EPB41L3: variants seen among roughly 807,000 people sequenced by gnomAD.
EPB41L3 encodes the protein erythrocyte membrane protein band 4.1 like 3, also known as band 4.1-like protein 3.
In EPB41L3, 57 loss-of-function variants were observed where a neutral mutation model predicts 127.1. The ratio of observed to expected loss-of-function variants is 0.45; its 90% CI spans 0.36 to 0.56. The LOEUF (loss-of-function observed/expected upper bound fraction) is 0.56, where lower values mean the gene tolerates loss of function less well. EPB41L3 is among the 20% of genes least tolerant of loss of function. The probability of loss-of-function intolerance (pLI) is 0.00; values close to 1 mark genes in which losing one functional copy is unlikely to be tolerated. For synonymous variants in EPB41L3, 572 were observed against 549.5 expected, an observed-to-expected ratio of 1.04 and a Z score of -0.57; for missense variants, 1,273 against 1,372.2, an observed-to-expected ratio of 0.93 and a Z score of 1.14.
At chr18:5,450,317 C>CAA (rs2082122418) in intron 3 of EPB41L3, among the ~76,000 whole-genome samples, 1 of 152,062 alleles carries the variant, frequency 6.6e-6, no homozygotes, top group African/African-American at 2.4e-5. Flanking sequence ...GCACAAAGAA[C>CAA]AAACTGTAAT....
chr18:5,441,141 C>T (rs1192581286), intron 5 of EPB41L3, among the ~76,000 whole-genome samples: 1 of 152,196 alleles, frequency 6.6e-6, no homozygotes. Flanking sequence ...GTCCTCCTGT[C>T]TTGGCCTCCC....
chr18:5,547,512 C>A (rs924537604), upstream of EPB41L3, among the ~76,000 whole-genome samples: 1 of 152,102 alleles, frequency 6.6e-6, no homozygotes, highest in Non-Finnish European at 1.5e-5. Context: ...CTTAGGATGC[C>A]CATTCTGATC....
At chr18:5,493,573 T>A (rs1311508778) in intron 1 of EPB41L3, among the ~76,000 whole-genome samples, 1 of 144,484 alleles carries the variant, frequency 6.9e-6, no homozygotes, top group Non-Finnish European at 1.5e-5. Context: ...TCTATTTGCA[T>A]GAAAAAAAAA....
intron 3 of EPB41L3, among the ~76,000 whole-genome samples, chr18:5,465,098 T>C (rs924694074): frequency 7.9e-5 from 12 of 152,210 alleles, no homozygotes; most frequent in African/African-American, 2.7e-4. Flanking sequence ...GAACCTTAGC[T>C]ACATCTTCTG....
rs113039052 is a variant in EPB41L3, at chr18:5,499,780, A to AC, written c.-11-10587_-11-10586insG. ...AGACTCTGTCTCAAAATAAAAAAAA[A>AC]ACTTTGTTTTAAAGACTATATTCCC... On this transcript the variant is annotated intron_variant, in intron 1 of 22. Coordinates refer to ENST00000341928, the MANE Select transcript of EPB41L3 (RefSeq NM_012307.5). Among the ~76,000 whole-genome samples, 6 of 148,148 alleles carry AC rather than the reference A, an allele frequency of 4.1e-5. 1 individual carries two copies. The highest frequency in any genetic ancestry group is 3.9e-4 in the East Asian group (2 of 5,094).
At chr18:5,523,114 A>G (rs1218982060) in intron 1 of EPB41L3, among the ~76,000 whole-genome samples, 1 of 152,218 alleles carries the variant, frequency 6.6e-6, no homozygotes, top group African/African-American at 2.4e-5. Context: ...CTCCCATTAG[A>G]ACAGACATAC....
At chr18:5,442,094 A>C (rs1453177042) in intron 5 of EPB41L3, among the ~76,000 whole-genome samples, 1 of 152,232 alleles carries the variant, frequency 6.6e-6, no homozygotes, top group Non-Finnish European at 1.5e-5. Flanking sequence ...TAATCAGCTC[A>C]GTATTCCATT....
At position 5,543,708 on chromosome 18, in the gene EPB41L3, T is replaced by G. The variant is rs2093815637; in HGVS notation, c.-12+205A>C. ...GGCGCGGCGCGCAGGCTCGGCCCGGTGGGGGTCCCGGCGAGCGGGAGGGCG... is the reference window on the plus strand; with the variant it reads ...GGCGCGGCGCGCAGGCTCGGCCCGGGGGGGGTCCCGGCGAGCGGGAGGGCG... On this transcript the variant is annotated intron_variant, in intron 1 of 22. Coordinates refer to ENST00000341928, the MANE Select transcript of EPB41L3 (RefSeq NM_012307.5). The surrounding 1 kb of genome is among the most constrained non-coding windows in gnomAD (Gnocchi z 5.2). Among the ~76,000 whole-genome samples, 1 of 140,786 alleles carries G rather than the reference T, an allele frequency of 7.1e-6. No individual in the cohort carries two copies. The highest frequency in any genetic ancestry group is 6.9e-5 in the Admixed American group (1 of 14,434). The allele number at this position is 140,786 out of a possible 152,430, so 92.4% of individuals were successfully genotyped here. A position where few individuals can be genotyped will look rare whatever the true frequency, so the allele number is the denominator to read the frequency against.
intron 8 of EPB41L3, chr18:5,431,342 C>T (rs1009405864): frequency 1.2e-4 from 19 of 152,166 alleles, no homozygotes; most frequent in Non-Finnish European, 1.5e-5. Flanking sequence ...AGATTAGTTC[C>T]AATTTGTTTC....
chr18:5,560,951 ATTTATTTAT>A (rs1203599091), intron 3 of EPB41L3, among the ~76,000 whole-genome samples: 3 of 27,540 alleles, frequency 1.1e-4, no homozygotes, highest in East Asian at 2.4e-3. Flanking sequence ...TTATTTATTT[ATTTATTTAT>A]TTATTTATTT....
At chr18:5,557,273 C>T (rs926287707) in intron 3 of EPB41L3, among the ~76,000 whole-genome samples, 1 of 152,200 alleles carries the variant, frequency 6.6e-6, no homozygotes, top group Non-Finnish European at 1.5e-5. Flanking sequence ...TTTAAAAAAG[C>T]ATATAAAAAT....
chr18:5,506,340 G>A (rs1047823354), intron 1 of EPB41L3, among the ~76,000 whole-genome samples: 2 of 152,024 alleles, frequency 1.3e-5, no homozygotes, highest in Admixed American at 6.6e-5. Context: ...CTACTCCAAC[G>A]CCCTCATCAT....
chr18:5,555,692 T>C (rs2149169928), intron 3 of EPB41L3, among the ~76,000 whole-genome samples: 1 of 152,232 alleles, frequency 6.6e-6, no homozygotes, highest in Non-Finnish European at 1.5e-5. Flanking sequence ...CAACATCCTA[T>C]CCTGAAATAG....
At chr18:5,398,512 A>G in intron 16 of EPB41L3, 1 of 404,012 alleles carries the variant, frequency 2.5e-6, no homozygotes, top group Non-Finnish European at 4.3e-6. Context: ...ATGAAAAAAA[A>G]TTAAGAAGCT....
chr18:5,476,160 T>C (rs1395600157), intron 3 of EPB41L3, among the ~76,000 whole-genome samples: 2 of 152,154 alleles, frequency 1.3e-5, no homozygotes, highest in African/African-American at 4.8e-5. Context: ...CACTGAACTT[T>C]ACCATGTCCA....
At chr18:5,395,169 T>C in intron 20 of EPB41L3, 22 bp from the exon 21 acceptor site, 1 of 1,605,360 alleles carries the variant, frequency 6.2e-7, no homozygotes, top group Non-Finnish European at 8.5e-7. Context: ...GTAGAGAAGC[T>C]TTATGAATTT....
chr18:5,555,448 A>C (rs914371416), intron 3 of EPB41L3, among the ~76,000 whole-genome samples: 2 of 152,162 alleles, frequency 1.3e-5, no homozygotes, highest in African/African-American at 4.8e-5. Flanking sequence ...TATTTTTCAG[A>C]ATAAGTAGCA....
chr18:5,565,446 CTCTTT>C (rs1291612856), intron 3 of EPB41L3, among the ~76,000 whole-genome samples: 1 of 150,800 alleles, frequency 6.6e-6, no homozygotes, highest in Non-Finnish European at 1.5e-5. Flanking sequence ...AGGTTTTCTT[CTCTTT>C]TCTTTTTTTT....
chr18:5,436,220 G>C (rs1043745929), intron 6 of EPB41L3, among the ~76,000 whole-genome samples: 4 of 151,994 alleles, frequency 2.6e-5, no homozygotes, highest in Admixed American at 6.6e-5. Context: ...TATAAGAAAT[G>C]AACTGTTCAT....
Sources: gnomAD v4.1 joint callset for allele counts (sites outside exome capture counted in the v4.1 genomes callset) on GRCh38, gnomAD v4.1.1 for gene constraint, Gnocchi (gnomAD v3.1) non-coding constraint, MANE v1.5 for transcripts, NCBI Gene and HGNC (gene_info 2026-07-23, HGNC 2026-07-21) for gene names.